The following KCNT2 variants were observed in gnomAD, a reference collection of about 807,000 sequenced individuals.
KCNT2 encodes potassium channel subfamily T member 2.
KCNT2 carries 67 observed loss-of-function variants against 153.8 expected under a neutral mutation model. That is an observed-to-expected ratio of 0.44 (90% confidence interval 0.36 to 0.53). The LOEUF is 0.53. Ranked by LOEUF, KCNT2 falls within the 20% of genes least tolerant of loss-of-function variation. The pLI, the probability that KCNT2 is intolerant of heterozygous loss-of-function variation, is 0.00. For missense variants in KCNT2, 975 were observed against 1,354.8 expected (o/e 0.72, Z 4.40); for synonymous variants, 500 against 458.8 (o/e 1.09, Z -1.15).
rs554513064 is a variant in KCNT2, at chr1:196,284,484, T to G, written c.2697+1173A>C. On this transcript the variant is annotated intron_variant, in intron 23 of 27. Coordinates refer to ENST00000294725, the MANE Select transcript of KCNT2 (RefSeq NM_198503.5). ...AAGATTTTATTTAAACAGAGGATAC[T>G]GTGGCTAAAAAAATCTTAAAACTAC... Among the ~76,000 whole-genome samples the G allele has an allele frequency of 5.9e-5, 9 of 151,494 alleles. No individual in the cohort carries two copies. The East Asian group carries it at 1.8e-3, about 30-fold the overall frequency.
chr1:196,248,012 A>C (rs1217971190), intron 26 of KCNT2, among the ~76,000 whole-genome samples: 1 of 152,136 alleles, frequency 6.6e-6, no homozygotes, highest in Non-Finnish European at 1.5e-5. Context: ...AACTATACAA[A>C]CACGTGGAAA....
intron 8 of KCNT2, among the ~76,000 whole-genome samples, chr1:196,462,502 T>C (rs1195487847): frequency 1.3e-5 from 2 of 151,870 alleles, no homozygotes; most frequent in African/African-American, 2.4e-5. Context: ...TATAGTTTTA[T>C]TAAAAGGATA....
intron 1 of KCNT2, among the ~76,000 whole-genome samples, chr1:196,506,953 C>T (rs1004755541): frequency 3.3e-5 from 5 of 151,946 alleles, no homozygotes; most frequent in African/African-American, 1.2e-4. Flanking sequence ...AATCACAAAT[C>T]CCCTACTAAT....
At chr1:196,455,557 T>C (rs192040108) in intron 8 of KCNT2, among the ~76,000 whole-genome samples, 8 of 152,094 alleles carry the variant, frequency 5.3e-5, no homozygotes, top group African/African-American at 1.9e-4. Flanking sequence ...TCTTCTATCT[T>C]TTGTTTTTCT....
At chr1:196,373,290 G>C in intron 13 of KCNT2, 42 bp from the exon 14 acceptor site, 1 of 853,008 alleles carries the variant, frequency 1.2e-6, no homozygotes, top group Non-Finnish European at 2.0e-6. Context: ...ATTTACCTTT[G>C]GAGAGTAATA....
intron 8 of KCNT2, among the ~76,000 whole-genome samples, chr1:196,433,562 T>A (rs1487523161): frequency 6.6e-6 from 1 of 152,092 alleles, no homozygotes; most frequent in Non-Finnish European, 1.5e-5. Flanking sequence ...TTATTGAATT[T>A]ACACTTAAAA....
intron 1 of KCNT2, among the ~76,000 whole-genome samples, chr1:196,562,348 GCC>G (rs1222777357): frequency 2.0e-5 from 3 of 151,988 alleles, no homozygotes; most frequent in African/African-American, 7.2e-5. Flanking sequence ...GGTCAGTTGT[GCC>G]TGCATTCAAA....
At chr1:196,467,626 C>T (rs1677737258) in intron 7 of KCNT2, 77 bp downstream of exon 7, 2 of 915,298 alleles carry the variant, frequency 2.2e-6, no homozygotes, top group South Asian at 1.8e-5. Flanking sequence ...AATTCTCTCT[C>T]TCTGTTTAAT....
intron 22 of KCNT2, among the ~76,000 whole-genome samples, chr1:196,300,232 A>C (rs182565411): frequency 3.5e-4 from 53 of 152,324 alleles, no homozygotes; most frequent in Non-Finnish European, 2.1e-4. Context: ...GGAGCTCCTC[A>C]AGATGGCAAG....
intron 27 of KCNT2, among the ~76,000 whole-genome samples, chr1:196,235,540 T>C (rs1412436864): frequency 1.3e-5 from 2 of 151,350 alleles, no homozygotes; most frequent in Non-Finnish European, 3.0e-5. Context: ...TTTAGGTGAG[T>C]GCTACCACTG....
intron 14 of KCNT2, among the ~76,000 whole-genome samples, chr1:196,364,196 A>T (rs1436353786): frequency 2.6e-5 from 4 of 152,192 alleles, no homozygotes; most frequent in Admixed American, 1.3e-4. Context: ...GATAAATGTT[A>T]AGGGAAGTTT....
chr1:196,240,472 C>T (rs1019724940), intron 26 of KCNT2, among the ~76,000 whole-genome samples: 6 of 151,886 alleles, frequency 4.0e-5, no homozygotes, highest in Admixed American at 6.6e-5. Flanking sequence ...TCAAGTGCAA[C>T]ATAAAGGTTA....
At chr1:196,476,810 T>C (rs1019226325) in intron 5 of KCNT2, among the ~76,000 whole-genome samples, 1 of 152,164 alleles carries the variant, frequency 6.6e-6, no homozygotes, top group Non-Finnish European at 1.5e-5. Context: ...GAAGCAGTCA[T>C]CCTTGCTTCA....
At chr1:196,257,620 G>T in intron 26 of KCNT2, 2 of 931,578 alleles carry the variant, frequency 2.1e-6, no homozygotes, top group Non-Finnish European at 2.6e-6. Context: ...TTTAAGCTGT[G>T]TCTATAGTGT....
At chr1:196,448,594 C>G (rs915423740) in intron 8 of KCNT2, among the ~76,000 whole-genome samples, 1 of 151,622 alleles carries the variant, frequency 6.6e-6, no homozygotes, top group Non-Finnish European at 1.5e-5. Context: ...AATCCCGACT[C>G]TGTTGACTTA....
chr1:196,425,267 A>G (rs1450862459), intron 11 of KCNT2, among the ~76,000 whole-genome samples: 1 of 151,922 alleles, frequency 6.6e-6, no homozygotes, highest in African/African-American at 2.4e-5. Context: ...CACCTTTAAG[A>G]CAAATTGCCT....
At chr1:196,263,282 T>C (rs1310894012) in intron 25 of KCNT2, among the ~76,000 whole-genome samples, 1 of 152,054 alleles carries the variant, frequency 6.6e-6, no homozygotes, top group Non-Finnish European at 1.5e-5. Flanking sequence ...GTGGCAGATA[T>C]ATACCATGGA....
chr1:196,496,183 A>T (rs895097814), intron 1 of KCNT2, among the ~76,000 whole-genome samples: 2 of 152,174 alleles, frequency 1.3e-5, no homozygotes, highest in African/African-American at 4.8e-5. Flanking sequence ...GAGAAATGAT[A>T]GATAGGCCAG....
chr1:196,249,874 T>C (rs891527401), intron 26 of KCNT2, among the ~76,000 whole-genome samples: 1 of 151,598 alleles, frequency 6.6e-6, no homozygotes, highest in Non-Finnish European at 1.5e-5. Flanking sequence ...TAAAATTAAA[T>C]ACCTAGGAAC....
Sources: allele counts gnomAD v4.1 joint callset (sites outside exome capture counted in the v4.1 genomes callset), GRCh38; gene constraint gnomAD v4.1.1; transcripts MANE v1.5; gene names NCBI Gene and HGNC (gene_info 2026-07-23, HGNC 2026-07-21).